The following KIF1B variants were observed in gnomAD, a reference collection of about 807,000 sequenced individuals.
KIF1B encodes kinesin family member 1B.
In KIF1B, 76 loss-of-function variants were observed where a neutral mutation model predicts 241.9. The ratio of observed to expected loss-of-function variants is 0.31; its 90% CI spans 0.26 to 0.38. The LOEUF (loss-of-function observed/expected upper bound fraction) is 0.38, where lower values mean the gene tolerates loss of function less well. Ranked by LOEUF, KIF1B falls within the 10% of genes least tolerant of loss-of-function variation. KIF1B has a pLI of 1.00. For synonymous variants in KIF1B, 750 were observed against 796.7 expected, an observed-to-expected ratio of 0.94 and a Z score of 0.99; for missense variants, 1,622 against 2,271.4, an observed-to-expected ratio of 0.71 and a Z score of 5.81.
rs1190160085 is a variant in KIF1B at position 10,307,154 on chromosome 1, C to T, written c.2115+9908C>T. On this transcript the variant is annotated intron_variant, in intron 22 of 48. Transcript: ENST00000676179. ...AAGAAATTAACCAAGGTTTTATTGA[C>T]TGCCATGTATGTCCCATGATGCATT... is the stretch of plus-strand genomic sequence containing the variant. 2.9e-6 allele frequency: 3 copies of T among 1,030,246 alleles called. No homozygotes were observed. The Admixed American group carries it at 1.7e-4, about 59-fold the overall frequency. The allele number at this position is 1,030,246 out of a possible 1,614,324, so 63.8% of individuals were successfully genotyped here. A position where few individuals can be genotyped will look rare whatever the true frequency, so the allele number is the denominator to read the frequency against.
chr1:10,334,043 C>T (rs1301965505), intron 27 of KIF1B, among the ~76,000 whole-genome samples: 3 of 147,324 alleles, frequency 2.0e-5, no homozygotes, highest in Non-Finnish European at 4.4e-5. Flanking sequence ...CCCAGCTACT[C>T]GGGAGGCTGA....
intron 45 of KIF1B, among the ~76,000 whole-genome samples, chr1:10,372,850 G>A (rs934944306): frequency 2.8e-4 from 42 of 150,298 alleles, no homozygotes; most frequent in Admixed American, 2.8e-3. Context: ...TTTTGCTCTC[G>A]TTGCCCACGC....
At position 10,297,156 on chromosome 1, in the gene KIF1B, T is replaced by TA; in HGVS notation, c.2043-18_2043-17insA. ...ACTAATAGCATTCTTGAATTTTTTT[T>TA]TTTTTTTTTACTTCTAGGCTACAGG... On this transcript the variant is annotated splice_polypyrimidine_tract_variant and intron_variant, in intron 21 of 48. Coordinates refer to ENST00000676179, the MANE Select transcript of KIF1B (RefSeq NM_001365951.3). 6.2e-7 allele frequency: 1 copy of TA among 1,613,154 alleles called. No homozygotes were observed. The highest frequency in any genetic ancestry group is 8.5e-7 in the Non-Finnish European group (1 of 1,179,556).
chr1:10,324,781 A>G lies in KIF1B; in HGVS notation c.2561A>G (p.Glu854Gly). 1 of 1,613,948 alleles carries G rather than the reference A, an allele frequency of 6.2e-7. No individual in the cohort carries two copies. The change falls in exon 26 of 49, where the codon GAG (glutamate) becomes GGG (glycine). Residue 854 changes from glutamate (E) to glycine (G), a missense_variant. Around this residue, in one of 7 missense-constraint regions of KIF1B, gnomAD observed 803 missense variants for 1,112.0 expected, o/e 0.72. Transcript: ENST00000676179. ...AGGCAGAGGCTGGATTTGATGCGAG[A>G]GATGTATGATAGGGCAGGGGAGATG... ...KLKQRLDLMR[E>G]MYDRAGEMAS...
chr1:10,373,159 C>T (rs1190507906), intron 45 of KIF1B, among the ~76,000 whole-genome samples: 2 of 151,332 alleles, frequency 1.3e-5, no homozygotes, highest in Non-Finnish European at 2.9e-5. Context: ...TGGGGTTTCA[C>T]CGTGTTAGCC....
intron 1 of KIF1B, among the ~76,000 whole-genome samples, chr1:10,211,988 G>T (rs746258151): frequency 6.6e-6 from 1 of 152,164 alleles, no homozygotes; most frequent in Non-Finnish European, 1.5e-5. Flanking sequence ...GATAGTGGGC[G>T]AGGCTAGTGG....
rs754717048 is a variant in KIF1B at position 10,347,788 on chromosome 1, A to G, written c.3825A>G (p.Thr1275=). 1.2e-6 allele frequency: 2 copies of G among 1,613,316 alleles called. No individual in the cohort carries two copies. Among genetic ancestry groups the G allele is most frequent in the African/African-American group, 2.7e-5 (2 of 74,928 alleles). The part of the protein sequence containing the change: ...GEYIPAVVDH[T]AGLPCQGTFL... ...ATATCCCAGCTGTGGTTGACCACACAGCAGGCTTGCCTTGCCAGGGGACAT... is the reference window on the plus strand; with the variant it reads ...ATATCCCAGCTGTGGTTGACCACACGGCAGGCTTGCCTTGCCAGGGGACAT... The change falls in exon 36 of 49, where the codon ACA becomes ACG. Residue 1275 remains threonine (T), a synonymous_variant. Transcript: ENST00000676179.
chr1:10,278,657 T>A, intron 13 of KIF1B: 1 of 180,298 alleles, frequency 5.5e-6, no homozygotes, highest in South Asian at 1.1e-4. Flanking sequence ...GGGGAAAAGT[T>A]CAATTCCTAT....
intron 5 of KIF1B, 91 bp from the exon 6 acceptor site, chr1:10,267,289 A>C: frequency 8.2e-6 from 9 of 1,097,868 alleles, no homozygotes; most frequent in Non-Finnish European, 1.2e-5. Context: ...TGGCCTCCCA[A>C]AGTGCTGGGA....
intron 15 of KIF1B, among the ~76,000 whole-genome samples, chr1:10,283,613 G>A (rs555171208): frequency 1.3e-5 from 2 of 152,236 alleles, no homozygotes; most frequent in Non-Finnish European, 1.5e-5. Flanking sequence ...CAGGAATCCT[G>A]CCACCCATCA....
intron 27 of KIF1B, among the ~76,000 whole-genome samples, chr1:10,328,493 A>C (rs1008957351): frequency 6.6e-6 from 1 of 152,250 alleles, no homozygotes; most frequent in Non-Finnish European, 1.5e-5. Flanking sequence ...GTAGAATTTC[A>C]GAGAAGCTGA....
chr1:10,334,149 CAAAAAA>C (rs372716443), intron 27 of KIF1B, among the ~76,000 whole-genome samples: 2 of 82,942 alleles, frequency 2.4e-5, no homozygotes, highest in Admixed American at 1.4e-4. Context: ...GACTCTGTCT[CAAAAAA>C]AAAAAAAAAA....
chr1:10,306,990 T>C, intron 22 of KIF1B: 1 of 1,041,806 alleles, frequency 9.6e-7, no homozygotes, highest in Non-Finnish European at 1.2e-6. Context: ...CAGCTGTGGA[T>C]TGTGGTAAGG....
rs771471208 is a variant in KIF1B, at chr1:10,375,242, A to G, written c.5290-13A>G. The G allele has an allele frequency of 3.1e-6, 5 of 1,609,232 alleles. No individual in the cohort carries two copies. In the African/African-American group the frequency reaches 5.3e-5, roughly 17 times the overall value. On this transcript the variant is annotated splice_polypyrimidine_tract_variant and intron_variant, in intron 47 of 48. Transcript: ENST00000676179. ...TGTAGTAACTTTCTTGTCTACCTGC[A>G]TTTTTCTTTCAGACACCAAACACCT... is the stretch of plus-strand genomic sequence containing the variant.
At chr1:10,239,417 A>G (rs537737988) in intron 2 of KIF1B, among the ~76,000 whole-genome samples, 1 of 151,464 alleles carries the variant, frequency 6.6e-6, no homozygotes, top group Non-Finnish European at 1.5e-5. Flanking sequence ...TGAACAAATT[A>G]TTTTCTAATA....
chr1:10,361,074 A>G, intron 39 of KIF1B, 31 bp downstream of exon 39: 2 of 1,362,402 alleles, frequency 1.5e-6, no homozygotes, highest in Non-Finnish European at 1.1e-6. Context: ...AGTTGATGCC[A>G]ACAGTCAGCC....
chr1:10,333,653 C>G (rs1375667211), intron 27 of KIF1B, among the ~76,000 whole-genome samples: 1 of 151,904 alleles, frequency 6.6e-6, no homozygotes, highest in Non-Finnish European at 1.5e-5. Flanking sequence ...GACTGCACCA[C>G]TGCATTCCAG....
intron 22 of KIF1B, chr1:10,307,029 T>C (rs886621670): frequency 2.9e-5 from 30 of 1,039,890 alleles, no homozygotes; most frequent in Non-Finnish European, 2.3e-6. Context: ...TTCCAAAGAA[T>C]TGGGTTTATA....
chr1:10,249,178 G>A (rs1647307269), intron 2 of KIF1B, among the ~76,000 whole-genome samples: 1 of 152,130 alleles, frequency 6.6e-6, no homozygotes, highest in South Asian at 2.1e-4. Context: ...TTTATATGTT[G>A]AATGTGTTCC....
Sources: gnomAD v4.1 joint callset for allele counts (sites outside exome capture counted in the v4.1 genomes callset) on GRCh38, gnomAD v4.1.1 for gene constraint, gnomAD v4.1.1 regional missense constraint, MANE v1.5 for transcripts, NCBI Gene and HGNC (gene_info 2026-07-23, HGNC 2026-07-21) for gene names.